Variants in ANKRD20A1 observed in about 807,000 individuals in gnomAD.
ANKRD20A1 encodes ankyrin repeat domain-containing protein 20A1.
ANKRD20A1 carries 2 observed loss-of-function variants against 50.9 expected under a neutral mutation model. The ratio of observed to expected loss-of-function variants is 0.04; its 90% CI spans 0.02 to 0.12. The LOEUF (loss-of-function observed/expected upper bound fraction) is 0.12. Among genes scored for constraint, ANKRD20A1 ranks in the 10% least tolerant of loss-of-function variants. The probability of loss-of-function intolerance (pLI) is 1.00; values close to 1 mark genes in which losing one functional copy is unlikely to be tolerated. For synonymous variants in ANKRD20A1, 10 were observed against 186.2 expected, an observed-to-expected ratio of 0.05 and a Z score of 7.70; for missense variants, 31 against 548.1, an observed-to-expected ratio of 0.06 and a Z score of 9.42.
rs1335494423 is a variant in ANKRD20A1 at position 67,861,556 on chromosome 9, C to T, written c.204-1385C>T. 4.1e-5 allele frequency among the ~76,000 whole-genome samples: 2 copies of T among 48,448 alleles called. 1 individual carries two copies. The highest frequency in any genetic ancestry group is 2.4e-4 in the African/African-American group (2 of 8,428). The allele number at this position is 48,448 out of a possible 152,430, so 31.8% of individuals were successfully genotyped here. A position where few individuals can be genotyped will look rare whatever the true frequency, so the allele number is the denominator to read the frequency against. ...ACATATTCTGTCATCTCTCAGGACC[C>T]GTCCATCCTTAAACACTTCATGTTT... On this transcript the variant is annotated intron_variant, in intron 1 of 14. Coordinates refer to ENST00000562196, the MANE Select transcript of ANKRD20A1 (RefSeq NM_032250.5).
intron 9 of ANKRD20A1, among the ~76,000 whole-genome samples, chr9:67,885,361 C>CACT (rs1827862964): frequency 2.0e-5 from 3 of 152,230 alleles, no homozygotes; most frequent in Admixed American, 2.0e-4. Flanking sequence ...CTGTCATCCT[C>CACT]ACTACTGGGG....
intron 8 of ANKRD20A1, among the ~76,000 whole-genome samples, chr9:67,881,226 C>A (rs1489214873): frequency 6.9e-6 from 1 of 144,338 alleles, no homozygotes; most frequent in Non-Finnish European, 1.5e-5. Context: ...ACAGCCTGGG[C>A]AACATCGTAT....
At chr9:67,859,739 A>C (rs1827486179) in intron 1 of ANKRD20A1, 110 bp downstream of exon 1, 4 of 527,732 alleles carry the variant, frequency 7.6e-6, no homozygotes, top group East Asian at 9.3e-5. Context: ...GGCGGAGCCA[A>C]ACGGACTCTC....
At chr9:67,880,846 C>G (rs1827782470) in intron 8 of ANKRD20A1, among the ~76,000 whole-genome samples, 2 of 68,146 alleles carry the variant, frequency 2.9e-5, no homozygotes, top group South Asian at 1.4e-3. Flanking sequence ...ATGAAATTTG[C>G]TTAAGGTTTA....
At chr9:67,882,198 G>T (rs531282215) in intron 8 of ANKRD20A1, among the ~76,000 whole-genome samples, 103 of 150,536 alleles carry the variant, frequency 6.8e-4, no homozygotes, top group African/African-American at 2.4e-3. Context: ...TGTTGCCCAG[G>T]CTGGTCTTTA....
At chr9:67,887,631 AAG>A (rs1827896273) in intron 11 of ANKRD20A1, among the ~76,000 whole-genome samples, 163 bp downstream of exon 11, 3 of 71,360 alleles carry the variant, frequency 4.2e-5, no homozygotes, top group Admixed American at 3.8e-4. Context: ...AAGCATAAAA[AAG>A]ATTTTAAAAA....
chr9:67,859,948 A>G lies in ANKRD20A1; in HGVS notation c.203+319A>G, dbSNP rs1184660450. The stretch of plus-strand genomic sequence containing the variant: ...TAACCGTGAGTTGTTTCAGTGGGCG[A>G]AAAGTTCTCAGATAAGAGAGCTTAC... On this transcript the variant is annotated intron_variant, in intron 1 of 14. Transcript: ENST00000562196. 4.1e-5 allele frequency among the ~76,000 whole-genome samples: 2 copies of G among 48,974 alleles called. 1 individual carries two copies. Among genetic ancestry groups the G allele is most frequent in the African/African-American group, 2.3e-4 (2 of 8,596 alleles). The allele number at this position is 48,974 out of a possible 152,430, so 32.1% of individuals were successfully genotyped here. A position where few individuals can be genotyped will look rare whatever the true frequency, so the allele number is the denominator to read the frequency against.
In ANKRD20A1 at chr9:67,860,705, T is replaced by A. The variant is rs1827494846; in HGVS notation, c.203+1076T>A. On this transcript the variant is annotated intron_variant, in intron 1 of 14. Coordinates refer to ENST00000562196, the MANE Select transcript of ANKRD20A1 (RefSeq NM_032250.5). ...GTACTCATTTGAAAATGGTAAGTAC[T>A]ACATTTAAAAAATGTGTATGCCCTT... The A allele has an allele frequency of 6.4e-5, 2 of 31,436 alleles. 1 individual carries two copies. The highest frequency in any genetic ancestry group is 2.2e-3 in the South Asian group (2 of 896). 1.9% of individuals were successfully genotyped at this position (31,436 alleles called of 1,614,324 possible).
chr9:67,866,579 G>GA (rs1827576132), intron 3 of ANKRD20A1, among the ~76,000 whole-genome samples: 1 of 114,524 alleles, frequency 8.7e-6, no homozygotes, highest in African/African-American at 3.1e-5. Flanking sequence ...TGATAGAAGT[G>GA]AATCAAGCAA....
chr9:67,859,647 C>T lies in ANKRD20A1; in HGVS notation c.203+18C>T, dbSNP rs1313016426. Reference sequence around the variant, plus strand: ...CAGCACAGGTAGCGGGGGCTCAGCCCGGGGTGGGAGGGGGCCCCCAGGCCC... The same window carrying T: ...CAGCACAGGTAGCGGGGGCTCAGCCTGGGGTGGGAGGGGGCCCCCAGGCCC... On this transcript the variant is annotated intron_variant, in intron 1 of 14. Transcript: ENST00000562196. The T allele has an allele frequency of 2.1e-5, 12 of 577,360 alleles. 5 individuals are homozygous for T. The highest frequency in any genetic ancestry group is 9.2e-5 in the East Asian group (2 of 21,720). The allele number at this position is 577,360 out of a possible 1,614,324, so 35.8% of individuals were successfully genotyped here.
At chr9:67,892,635 CTGT>C (rs1360109496) in intron 11 of ANKRD20A1, among the ~76,000 whole-genome samples, 44 of 142,734 alleles carry the variant, frequency 3.1e-4, no homozygotes, top group African/African-American at 1.0e-3. Flanking sequence ...TTTTCTTTTT[CTGT>C]TGTTGGAGAC....
chr9:67,859,191 G>A lies in ANKRD20A1; in HGVS notation c.-236G>A. On this transcript the variant is annotated 5_prime_UTR_variant, in exon 1 of 15. Transcript: ENST00000562196. Reference sequence around the variant, plus strand: ...TTTGCGAGGCTCACTCGGTCTGAGAGGTCGGAGGCTGCGAGTGTCGCTGCT... The same window carrying A: ...TTTGCGAGGCTCACTCGGTCTGAGAAGTCGGAGGCTGCGAGTGTCGCTGCT... 2 of 260,804 alleles carry A rather than the reference G, an allele frequency of 7.7e-6. 1 individual carries two copies. The highest frequency in any genetic ancestry group is 1.1e-5 in the Non-Finnish European group (2 of 180,182). The allele number at this position is 260,804 out of a possible 1,614,324, so 16.2% of individuals were successfully genotyped here.
At chr9:67,881,606 A>C (rs1827797336) in intron 8 of ANKRD20A1, among the ~76,000 whole-genome samples, 1 of 151,466 alleles carries the variant, frequency 6.6e-6, no homozygotes, top group Non-Finnish European at 1.5e-5. Context: ...GTCTCTAAAA[A>C]AAACCAAAAC....
chr9:67,877,930 A>T (rs1827758929), intron 7 of ANKRD20A1, 140 bp downstream of exon 7: 1 of 374,608 alleles, frequency 2.7e-6, no homozygotes, highest in African/African-American at 2.1e-5. Context: ...CCATCACAAC[A>T]TCTGTGTTCC....
chr9:67,872,515 T>G (rs1477216499), intron 6 of ANKRD20A1, among the ~76,000 whole-genome samples: 1 of 123,166 alleles, frequency 8.1e-6, no homozygotes, highest in East Asian at 2.8e-4. Flanking sequence ...ATGAACTGCC[T>G]TTAATGGGTT....
At chr9:67,884,739 A>T (rs1357079874) in intron 9 of ANKRD20A1, among the ~76,000 whole-genome samples, 169 bp downstream of exon 9, 2 of 149,898 alleles carry the variant, frequency 1.3e-5, no homozygotes, top group Non-Finnish European at 3.0e-5. Context: ...AAATACAAAA[A>T]ACTAGCCAGG....
intron 8 of ANKRD20A1, among the ~76,000 whole-genome samples, chr9:67,882,787 C>G (rs1264229499): frequency 6.8e-6 from 1 of 147,770 alleles, no homozygotes; most frequent in Non-Finnish European, 1.5e-5. Context: ...TCCCTCCCCC[C>G]TTGTCCGCCC....
chr9:67,892,730 ATCT>A (rs1032460264), intron 11 of ANKRD20A1, among the ~76,000 whole-genome samples: 1 of 120,966 alleles, frequency 8.3e-6, no homozygotes, highest in African/African-American at 2.8e-5. Context: ...GGCTCGAGGG[ATCT>A]TCTCACCTAA....
chr9:67,867,587 G>C (rs1337335777), intron 4 of ANKRD20A1, among the ~76,000 whole-genome samples: 1 of 152,290 alleles, frequency 6.6e-6, no homozygotes, highest in Non-Finnish European at 1.5e-5. Context: ...ATAATATACA[G>C]TGTTTGGTAT....
Sources: gnomAD v4.1 joint callset for allele counts (sites outside exome capture counted in the v4.1 genomes callset) on GRCh38, gnomAD v4.1.1 for gene constraint, MANE v1.5 for transcripts, NCBI Gene and HGNC (gene_info 2026-07-23, HGNC 2026-07-21) for gene names.